The following TRIM28 variants were observed in gnomAD, a reference collection of about 807,000 sequenced individuals.
TRIM28 encodes tripartite motif containing 28.
Under a neutral mutation model 87.4 loss-of-function variants are expected in TRIM28, and 8 were observed. The ratio of observed to expected loss-of-function variants is 0.09; its 90% CI spans 0.05 to 0.17. The LOEUF (loss-of-function observed/expected upper bound fraction) is 0.17, where lower values mean the gene tolerates loss of function less well. Ranked by LOEUF, TRIM28 falls within the 10% of genes least tolerant of loss-of-function variation. The probability of loss-of-function intolerance (pLI) is 1.00; values close to 1 mark genes in which losing one functional copy is unlikely to be tolerated. For synonymous variants in TRIM28, 601 were observed against 454.3 expected (o/e 1.32, Z -4.11); for missense variants, 968 against 1,131.8 (o/e 0.86, Z 2.08).
chr19:58,545,138 C>G (rs1250506306), intron 1 of TRIM28, 41 bp downstream of exon 1: 1 of 1,382,450 alleles, frequency 7.2e-7, no homozygotes, highest in East Asian at 2.7e-5. Context: ...CCCCTACTCT[C>G]TGCCTTTGAT....
At position 58,548,302 on chromosome 19, in the gene TRIM28, C is replaced by T. The variant is rs1265141542; in HGVS notation, c.1110C>T (p.Phe370=). 6.2e-7 allele frequency: 1 copy of T among 1,614,168 alleles called. No individual in the cohort carries two copies. The highest frequency in any genetic ancestry group is 1.7e-5 in the Admixed American group (1 of 60,022). ...CTTTCACTCCCAACCAGATCTACTTCCAGCTGCACCGGGCCCTCAAGATGA... is the reference window on the plus strand; with the variant it reads ...CTTTCACTCCCAACCAGATCTACTTTCAGCTGCACCGGGCCCTCAAGATGA... The part of the protein sequence containing the change: ...ALLLSKKLIY[F]QLHRALKMIV... Residue 370 remains phenylalanine (F), a synonymous_variant, in exon 8 of 17, where the codon TTC becomes TTT. Transcript: ENST00000253024.
In TRIM28 at chr19:58,549,209, C is replaced by G. The variant is rs879114283; in HGVS notation, c.1631C>G (p.Ala544Gly). 2 of 1,613,646 alleles carry G rather than the reference C, an allele frequency of 1.2e-6. No homozygotes were observed. The highest frequency in any genetic ancestry group is 1.7e-6 in the Non-Finnish European group (2 of 1,179,832). The change falls in exon 12 of 17, where the codon GCC (alanine) becomes GGC (glycine). Residue 544 changes from alanine (A) to glycine (G), a missense_variant. This residue lies in a region of TRIM28 where 164 missense variants were observed against 146.2 expected (regional missense o/e 1.12). Coordinates refer to ENST00000253024, the MANE Select transcript of TRIM28 (RefSeq NM_005762.3). The surrounding 1 kb of genome is among the most constrained non-coding windows in gnomAD (Gnocchi z 4.4). ...ACTGCGCCTGCAGGAACCCCTGGTGCCCCACCCCTGGCTGGCATGGCCATT... is the reference window on the plus strand; with the variant it reads ...ACTGCGCCTGCAGGAACCCCTGGTGGCCCACCCCTGGCTGGCATGGCCATT... ...PGTAPAGTPG[A>G]PPLAGMAIVK...
At chr19:58,545,285 T>A in intron 1 of TRIM28, 140 bp from the exon 2 acceptor site, 1 of 908,818 alleles carries the variant, frequency 1.1e-6, no homozygotes, top group Non-Finnish European at 1.7e-6. Flanking sequence ...CTGACTAAAG[T>A]TGGAGAAAAG....
chr19:58,547,556 T>C, intron 4 of TRIM28, 41 bp from the exon 5 acceptor site: 1 of 1,613,482 alleles, frequency 6.2e-7, no homozygotes, highest in Non-Finnish European at 8.5e-7. Flanking sequence ...TGCCACCCCT[T>C]CCGTAGCTTA....
At position 58,544,885 on chromosome 19, in the gene TRIM28, C is replaced by T. The variant is rs930989737; in HGVS notation, c.128C>T (p.Ser43Phe). 4 of 1,365,460 alleles carry T rather than the reference C, an allele frequency of 2.9e-6. No homozygotes were observed. The African/African-American group carries it at 6.2e-5, about 21-fold the overall frequency. The allele number at this position is 1,365,460 out of a possible 1,614,324, so 84.6% of individuals were successfully genotyped here. A position where few individuals can be genotyped will look rare whatever the true frequency, so the allele number is the denominator to read the frequency against. The change falls in exon 1 of 17, where the codon TCT becomes TTT. Residue 43 changes from serine (S) to phenylalanine (F), a missense_variant. Transcript: ENST00000253024. ...GCCCCTTCGGCCGCAGCCTCGGCCTCTGCCTCAGCCGCGGCGTCGTCGCCC... is the reference window on the plus strand; with the variant it reads ...GCCCCTTCGGCCGCAGCCTCGGCCTTTGCCTCAGCCGCGGCGTCGTCGCCC... Reference protein sequence around the residue: ...STAPSAAASASASAAASSPAG... With the variant: ...STAPSAAASAFASAAASSPAG...
chr19:58,545,726 G>C, intron 2 of TRIM28, 38 bp from the exon 3 acceptor site: 1 of 1,587,096 alleles, frequency 6.3e-7, no homozygotes. Context: ...GATCTATCAA[G>C]TTGTCTTGCC....
In TRIM28 at chr19:58,544,923, G is replaced by A. The variant is rs1161290290; in HGVS notation, c.166G>A (p.Ala56Thr). 3 of 1,417,732 alleles carry A rather than the reference G, an allele frequency of 2.1e-6. No individual in the cohort carries two copies. Among genetic ancestry groups the A allele is most frequent in the Non-Finnish European group, 1.8e-6 (2 of 1,095,240 alleles). The allele number at this position is 1,417,732 out of a possible 1,614,324, so 87.8% of individuals were successfully genotyped here. The change falls in exon 1 of 17, where the codon GCC becomes ACC. Residue 56 changes from alanine to threonine, a missense_variant. Transcript: ENST00000253024. ...GGCGTCGTCGCCCGCGGGGGGCGGC[G>A]CCGAGGCGCTGGAGCTGCTGGAGCA... ...AAASSPAGGGAEALELLEHCG... is the reference protein window; with the variant it reads ...AAASSPAGGGTEALELLEHCG...
chr19:58,544,858 C>A lies in TRIM28; in HGVS notation c.101C>A (p.Thr34Asn). Residue 34 changes from threonine (T) to asparagine (N), a missense_variant, in exon 1 of 17, where the codon ACC becomes AAC. Thr to Asn is a moderately conservative substitution (Grantham distance 65). This residue lies in a region of TRIM28 where 208 missense variants were observed against 170.9 expected (regional missense o/e 1.22). Coordinates refer to ENST00000253024, the MANE Select transcript of TRIM28 (RefSeq NM_005762.3). Reference protein sequence around the residue: ...EGSAGGEKRSTAPSAAASASA... With the variant: ...EGSAGGEKRSNAPSAAASASA... ...TCCGCTGGCGGCGAAAAGCGCTCCA[C>A]CGCCCCTTCGGCCGCAGCCTCGGCC... is the stretch of plus-strand genomic sequence containing the variant. 3 of 1,305,878 alleles carry A rather than the reference C, an allele frequency of 2.3e-6. No homozygotes were observed. The highest frequency in any genetic ancestry group is 4.0e-5 in the Admixed American group (1 of 25,304). 80.9% of individuals were successfully genotyped at this position (1,305,878 alleles called of 1,614,324 possible). A position where few individuals can be genotyped will look rare whatever the true frequency, so the allele number is the denominator to read the frequency against.
At position 58,544,700 on chromosome 19, in the gene TRIM28, C is replaced by T. The variant is rs1302645817; in HGVS notation, c.-58C>T. The T allele has an allele frequency of 2.2e-5, 18 of 806,958 alleles. No individual in the cohort carries two copies. The highest frequency in any genetic ancestry group is 2.7e-5 in the Non-Finnish European group (18 of 665,442). 50.0% of individuals were successfully genotyped at this position (806,958 alleles called of 1,614,324 possible). On this transcript the variant is annotated 5_prime_UTR_variant, in exon 1 of 17. Coordinates refer to ENST00000253024, the MANE Select transcript of TRIM28 (RefSeq NM_005762.3). ...GCAGTTGGCGGCGAGCGCGTCTGCG[C>T]CTGCGCGGCGGGCCCCGCGCCCCTC...
At position 58,549,631 on chromosome 19, in the gene TRIM28, G is replaced by T. The variant is rs765360301; in HGVS notation, c.1963G>T (p.Ala655Ser). 1 of 1,612,732 alleles carries T rather than the reference G, an allele frequency of 6.2e-7. No individual in the cohort carries two copies. Among genetic ancestry groups the T allele is most frequent in the Admixed American group, 1.7e-5 (1 of 59,968 alleles). ...TTTCCACCTGGACTGTCACCTGCCG[G>T]CCCTGCAGGATGTACCAGGGTGAGT... ...FCFHLDCHLP[A>S]LQDVPGEEWS... The change falls in exon 13 of 17, where the codon GCC (alanine) becomes TCC (serine). Residue 655 changes from alanine to serine, a missense_variant. Ala to Ser is a moderately conservative substitution (Grantham distance 99, BLOSUM62 1). Around this residue, in one of 11 missense-constraint regions of TRIM28, gnomAD observed 18 missense variants for 40.9 expected, o/e 0.44. Transcript: ENST00000253024. The surrounding 1 kb of genome is among the most constrained non-coding windows in gnomAD (Gnocchi z 4.4).
Position 58,550,219 on chromosome 19 carries a change from A to G in TRIM28, c.2266A>G (p.Ser756Gly). 6.2e-7 allele frequency: 1 copy of G among 1,614,076 alleles called. No individual in the cohort carries two copies. The highest frequency in any genetic ancestry group is 8.5e-7 in the Non-Finnish European group (1 of 1,180,008). The change falls in exon 16 of 17, where the codon AGC becomes GGC. Residue 756 changes from serine (S) to glycine (G), a missense_variant. This residue lies in a region of TRIM28 where 192 missense variants were observed against 225.6 expected (regional missense o/e 0.85). Coordinates refer to ENST00000253024, the MANE Select transcript of TRIM28 (RefSeq NM_005762.3). ...CCAGGAGAAGTTGTCACCTCCCTACAGCTCCCCACAGGAGTTTGCCCAGGA... is the reference window on the plus strand; with the variant it reads ...CCAGGAGAAGTTGTCACCTCCCTACGGCTCCCCACAGGAGTTTGCCCAGGA... ...RLQEKLSPPY[S>G]SPQEFAQDVG...
Position 58,548,487 on chromosome 19 carries a change from C to A in TRIM28, c.1218C>A (p.Gly406=). Residue 406 remains glycine, a splice_region_variant and synonymous_variant, in exon 9 of 17, where the codon GGC becomes GGA. Coordinates refer to ENST00000253024, the MANE Select transcript of TRIM28 (RefSeq NM_005762.3). ...NAWTKSAEAF[G]KIVAERPGTN... ...TACGTTTCTCTCTTCTTTTTGCAGG[C>A]AAGATTGTGGCAGAGCGTCCTGGCA... The A allele has an allele frequency of 6.2e-7, 1 of 1,614,050 alleles. No homozygotes were observed. The highest frequency in any genetic ancestry group is 8.5e-7 in the Non-Finnish European group (1 of 1,180,008).
rs769618389 is a variant in TRIM28 at position 58,548,720 on chromosome 19, G to A, written c.1324-20G>A. 1.2e-5 allele frequency: 20 copies of A among 1,613,208 alleles called. No homozygotes were observed. Among genetic ancestry groups the A allele is most frequent in the South Asian group, 9.9e-5 (9 of 91,040 alleles). On this transcript the variant is annotated intron_variant, in intron 9 of 16. Coordinates refer to ENST00000253024, the MANE Select transcript of TRIM28 (RefSeq NM_005762.3). ...AGGGTTCCTGTCCCACTGAGGCAGAGGGTTCTGCTTTGTTCACAGCCCATG... is the reference window on the plus strand; with the variant it reads ...AGGGTTCCTGTCCCACTGAGGCAGAAGGTTCTGCTTTGTTCACAGCCCATG...
At chr19:58,547,568 T>C (rs550288168) in intron 4 of TRIM28, 29 bp from the exon 5 acceptor site, 17 of 1,613,544 alleles carry the variant, frequency 1.1e-5, no homozygotes, top group Non-Finnish European at 1.4e-5. Flanking sequence ...CGTAGCTTAG[T>C]GCTCAGGAAC....
At position 58,550,274 on chromosome 19, in the gene TRIM28, A is replaced by G. The variant is rs1296228995; in HGVS notation, c.2321A>G (p.Lys774Arg). 1.9e-6 allele frequency: 3 copies of G among 1,614,088 alleles called. No homozygotes were observed. Among genetic ancestry groups the G allele is most frequent in the South Asian group, 2.2e-5 (2 of 91,078 alleles). ...GGCCGCATGTTCAAGCAATTCAACA[A>G]GTTAACTGAGGTGAGCCAGTGGAAT... Reference protein sequence around the residue: ...DVGRMFKQFNKLTEDKADVQS... With the variant: ...DVGRMFKQFNRLTEDKADVQS... The change falls in exon 16 of 17, where the codon AAG becomes AGG. Residue 774 changes from lysine to arginine, a missense_variant. Physicochemically the swap from Lys to Arg is conservative, Grantham distance 26. Coordinates refer to ENST00000253024, the MANE Select transcript of TRIM28 (RefSeq NM_005762.3).
intron 10 of TRIM28, 40 bp downstream of exon 10, chr19:58,548,816 G>A: frequency 6.2e-7 from 1 of 1,614,068 alleles, no homozygotes; most frequent in Non-Finnish European, 8.5e-7. Context: ...GGGCCCCAGT[G>A]CTGTTTCTAC....
chr19:58,545,161 C>T, intron 1 of TRIM28, 64 bp downstream of exon 1: 7 of 1,346,484 alleles, frequency 5.2e-6, no homozygotes, highest in Non-Finnish European at 5.8e-6. Flanking sequence ...CGACTGGGTG[C>T]AGAGATGAGG....
intron 5 of TRIM28, 32 bp from the exon 6 acceptor site, chr19:58,547,760 C>G (rs904937376): frequency 6.2e-7 from 1 of 1,613,674 alleles, no homozygotes; most frequent in African/African-American, 1.3e-5. Context: ...GGCAGCAAGA[C>G]CCTACCTAGC....
At position 58,550,301 on chromosome 19, in the gene TRIM28, G is replaced by A. The variant is rs1244387925; in HGVS notation, c.2331+17G>A. 1.2e-6 allele frequency: 2 copies of A among 1,614,060 alleles called. No homozygotes were observed. Among genetic ancestry groups the A allele is most frequent in the Admixed American group, 3.3e-5 (2 of 60,018 alleles). ...TTAACTGAGGTGAGCCAGTGGAATG[G>A]AGAGGCTGTGGGCAGGGGGAGATGT... On this transcript the variant is annotated intron_variant, in intron 16 of 16. Coordinates refer to ENST00000253024, the MANE Select transcript of TRIM28 (RefSeq NM_005762.3).
Sources: allele counts gnomAD v4.1 joint callset, GRCh38; gene constraint gnomAD v4.1.1; regional missense constraint gnomAD v4.1.1; non-coding constraint Gnocchi (gnomAD v3.1); transcripts MANE v1.5; gene names NCBI Gene and HGNC (gene_info 2026-07-23, HGNC 2026-07-21).